The following CKAP2 variants were observed in gnomAD, a reference collection of about 807,000 sequenced individuals.
CKAP2 encodes the protein cytoskeleton associated protein 2, also known as cytoskeleton-associated protein 2.
Under a neutral mutation model 58.4 loss-of-function variants are expected in CKAP2, and 46 were observed. That is an observed-to-expected ratio of 0.79 (90% CI 0.62 to 1.01). The LOEUF is 1.01. Among genes scored for constraint, CKAP2 ranks in the 50% least tolerant of loss-of-function variants. CKAP2 has a pLI of 0.00. For synonymous variants in CKAP2, 293 were observed against 280.9 expected, an observed-to-expected ratio of 1.04 and a Z score of -0.43; for missense variants, 809 against 796.4, an observed-to-expected ratio of 1.02 and a Z score of -0.19.
chr13:52,465,048 A>G (rs528516462), intron 5 of CKAP2, among the ~76,000 whole-genome samples: 20 of 152,334 alleles, frequency 1.3e-4, no homozygotes, highest in African/African-American at 4.3e-4. Context: ...AAAACTCCGC[A>G]GACTATTCTT....
Position 52,465,239 on chromosome 13 carries a change from T to G in CKAP2, c.1306-56T>G, listed in dbSNP as rs558718248. The G allele has an allele frequency of 2.3e-4, 335 of 1,460,772 alleles. 3 individuals carry two copies. The South Asian group carries it at 3.9e-3, about 17-fold the overall frequency. 90.5% of individuals were successfully genotyped at this position (1,460,772 alleles called of 1,614,324 possible). ...ATCTTGACTATAGTAGGCTCAATTA[T>G]TGTTCCCACTTTGTAAGCTAAAAAA... On this transcript the variant is annotated intron_variant, in intron 5 of 8. Transcript: ENST00000258607.
chr13:52,470,442 C>T (rs909013467), intron 7 of CKAP2, among the ~76,000 whole-genome samples: 1 of 151,980 alleles, frequency 6.6e-6, no homozygotes, highest in Admixed American at 6.6e-5. Flanking sequence ...ATACATGCTG[C>T]CAGATTGCTT....
At chr13:52,465,978 T>A in intron 6 of CKAP2, 1 of 260,860 alleles carries the variant, frequency 3.8e-6, no homozygotes, top group Non-Finnish European at 7.5e-6. Context: ...CACACATATA[T>A]GCACACATAT....
chr13:52,470,140 C>T (rs1310697513), intron 7 of CKAP2, among the ~76,000 whole-genome samples: 1 of 147,834 alleles, frequency 6.8e-6, no homozygotes, highest in Non-Finnish European at 1.5e-5. Flanking sequence ...GAGTCTTGCT[C>T]TGTTGCCCAG....
chr13:52,473,715 G>T, intron 7 of CKAP2, 114 bp from the exon 8 acceptor site: 1 of 858,490 alleles, frequency 1.2e-6, no homozygotes, highest in Non-Finnish European at 1.8e-6. Flanking sequence ...TTCAGAGATG[G>T]CAATCGTGTT....
At chr13:52,465,976 T>C in intron 6 of CKAP2, 2 of 262,754 alleles carry the variant, frequency 7.6e-6, no homozygotes, top group South Asian at 8.6e-5. Context: ...TACACACATA[T>C]ATGCACACAT....
chr13:52,473,386 T>G, intron 7 of CKAP2: 1 of 155,938 alleles, frequency 6.4e-6, no homozygotes, highest in Non-Finnish European at 1.4e-5. Context: ...CTGCTCCCAC[T>G]CCTAACCTTG....
intron 2 of CKAP2, among the ~76,000 whole-genome samples, chr13:52,458,395 G>A (rs914824489): frequency 2.6e-5 from 4 of 152,068 alleles, no homozygotes; most frequent in Non-Finnish European, 4.4e-5. Flanking sequence ...ACCTTAGGAT[G>A]GAATGAAATT....
chr13:52,471,806 G>T (rs979453199), intron 7 of CKAP2, among the ~76,000 whole-genome samples: 2 of 151,846 alleles, frequency 1.3e-5, no homozygotes, highest in African/African-American at 4.8e-5. Context: ...ACTCTCCTTT[G>T]TATAGTCAAG....
chr13:52,461,594 T>C lies in CKAP2; in HGVS notation c.768T>C (p.Ile256=). The change falls in exon 4 of 9, where the codon ATT becomes ATC. Residue 256 remains isoleucine (I), a synonymous_variant. Transcript: ENST00000258607. ...ACACACAACTTGTGCGACCTCCTAT[T>C]AGAAGTCATCACAGTAATACCCGGG... is the stretch of plus-strand genomic sequence containing the variant. ...SQNTQLVRPP[I]RSHHSNTRDT... is the part of the protein sequence containing the mutation. 1.2e-6 allele frequency: 2 copies of C among 1,614,106 alleles called. No homozygotes were observed. The highest frequency in any genetic ancestry group is 1.7e-6 in the Non-Finnish European group (2 of 1,180,014).
rs200233086 is a variant in CKAP2 at position 52,461,680 on chromosome 13, A to G, written c.854A>G (p.His285Arg). The change falls in exon 4 of 9, where the codon CAT becomes CGT. Residue 285 changes from histidine to arginine, a missense_variant. Physicochemically the swap from His to Arg is conservative, Grantham distance 29. Coordinates refer to ENST00000258607, the MANE Select transcript of CKAP2 (RefSeq NM_018204.5). ...AATGTTACAATCCGGAAAGGGCCTC[A>G]TGAAAAAGAACTATTACAATCAAAA... The part of the protein sequence containing the change: ...SANVTIRKGP[H>R]EKELLQSKTA... 1.1e-5 allele frequency: 17 copies of G among 1,614,132 alleles called. No homozygotes were observed. Among genetic ancestry groups the G allele is most frequent in the Admixed American group, 8.3e-5 (5 of 60,018 alleles).
At chr13:52,456,475 C>T in intron 1 of CKAP2, 48 bp from the exon 2 acceptor site, 2 of 1,360,902 alleles carry the variant, frequency 1.5e-6, no homozygotes, top group Non-Finnish European at 2.1e-6. Flanking sequence ...TTGCCGTTAT[C>T]GATGTTTTAA....
In CKAP2 at chr13:52,468,302, A is replaced by G; in HGVS notation, c.1501A>G (p.Ile501Val). Residue 501 changes from isoleucine (I) to valine (V), a missense_variant, in exon 7 of 9, where the codon ATT becomes GTT. By Grantham distance (29) the Ile-to-Val change is conservative. Around this residue, in one of 3 missense-constraint regions of CKAP2, gnomAD observed 283 missense variants for 287.6 expected, o/e 0.98. Transcript: ENST00000258607. ...AQPIEEMRHT[I>V]VDILTMKSQE... ...GCCTATTGAAGAGATGCGACACACG[A>G]TTGTAGATATTCTAACAATGAAGAG... 1.9e-6 allele frequency: 3 copies of G among 1,601,718 alleles called. No individual in the cohort carries two copies. Among genetic ancestry groups the G allele is most frequent in the Non-Finnish European group, 2.6e-6 (3 of 1,173,662 alleles).
chr13:52,474,778 T>A, intron 8 of CKAP2, 117 bp from the exon 9 acceptor site: 1 of 1,007,568 alleles, frequency 9.9e-7, no homozygotes, highest in Non-Finnish European at 1.4e-6. Flanking sequence ...TAAAAGACAA[T>A]TAAATGCTTT....
intron 2 of CKAP2, among the ~76,000 whole-genome samples, chr13:52,460,517 T>C: frequency 6.6e-6 from 1 of 151,132 alleles, no homozygotes. Flanking sequence ...CGATCTTGGC[T>C]CACTGCGAAC....
intron 2 of CKAP2, among the ~76,000 whole-genome samples, chr13:52,457,853 CAAA>C (rs59908446): frequency 1.4e-5 from 2 of 142,006 alleles, no homozygotes; most frequent in Non-Finnish European, 3.1e-5. Flanking sequence ...GACTCCGTCT[CAAA>C]AAAAAAAAAA....
chr13:52,455,820 G>A (rs980141147), intron 1 of CKAP2, among the ~76,000 whole-genome samples, 194 bp downstream of exon 1: 1 of 152,248 alleles, frequency 6.6e-6, no homozygotes, highest in East Asian at 1.9e-4. Context: ...GAACCGCTGC[G>A]TGGTGTTACT....
chr13:52,468,250 A>G, intron 6 of CKAP2, 28 bp from the exon 7 acceptor site: 3 of 1,389,944 alleles, frequency 2.2e-6, no homozygotes, highest in Non-Finnish European at 3.0e-6. Context: ...ACTTACATGG[A>G]TCTGCTTTCT....
At chr13:52,462,598 T>C in intron 5 of CKAP2, 31 bp downstream of exon 5, 1 of 1,555,938 alleles carries the variant, frequency 6.4e-7, no homozygotes, top group Non-Finnish European at 8.7e-7. Context: ...TAGCATTTTA[T>C]AGTTTGCAAA....
Sources: allele counts gnomAD v4.1 joint callset (sites outside exome capture counted in the v4.1 genomes callset), GRCh38; gene constraint gnomAD v4.1.1; regional missense constraint gnomAD v4.1.1; transcripts MANE v1.5; gene names NCBI Gene and HGNC (gene_info 2026-07-23, HGNC 2026-07-21).